The following FNDC5 variants were observed in gnomAD, a reference collection of about 807,000 sequenced individuals.
FNDC5 encodes fibronectin type III domain containing 5.
Under a neutral mutation model 24.6 loss-of-function variants are expected in FNDC5, and 10 were observed. The observed-to-expected ratio is 0.41, with a 90% CI of 0.25 to 0.69. The LOEUF is 0.69. FNDC5 is among the 30% of genes least tolerant of loss of function. The pLI, the probability that FNDC5 is intolerant of heterozygous loss-of-function variation, is 0.34. For missense variants in FNDC5, 226 were observed against 282.9 expected (o/e 0.80, Z 1.44); for synonymous variants, 90 against 110.7 (o/e 0.81, Z 1.18).
chr1:32,868,097 G>T lies in FNDC5; in HGVS notation c.409+93C>A. 7.0e-7 allele frequency: 1 copy of T among 1,425,692 alleles called. No homozygotes were observed. 88.3% of individuals were successfully genotyped at this position (1,425,692 alleles called of 1,614,324 possible). ...TTTACTTGCCAGCAGGGGATAAGGGGGAGGAGACAGAGCTTTCCTCAAGCC... is the reference window on the plus strand; with the variant it reads ...TTTACTTGCCAGCAGGGGATAAGGGTGAGGAGACAGAGCTTTCCTCAAGCC... On this transcript the variant is annotated intron_variant, in intron 3 of 5. Transcript: ENST00000373471. This position sits in a 1 kb window ranked among gnomAD's most constrained non-coding sequence, Gnocchi z 4.8.
rs1205409497 is a variant in FNDC5 at position 32,864,250 on chromosome 1, C to T, written c.*44G>A. 7 of 1,614,072 alleles carry T rather than the reference C, an allele frequency of 4.3e-6. No individual in the cohort carries two copies. In the Admixed American group the frequency reaches 8.3e-5, roughly 19 times the overall value. Reference sequence around the variant, plus strand: ...CCATGAGATCCTCTCACATTCTCTACTGTCTGTCTTCTTAGCTGCTGAGGG... The same window carrying T: ...CCATGAGATCCTCTCACATTCTCTATTGTCTGTCTTCTTAGCTGCTGAGGG... On this transcript the variant is annotated 3_prime_UTR_variant, in exon 6 of 6. Coordinates refer to ENST00000373471, the MANE Select transcript of FNDC5 (RefSeq NM_153756.3).
At chr1:32,869,604 C>T (rs1641139664) in intron 1 of FNDC5, among the ~76,000 whole-genome samples, 1 of 152,120 alleles carries the variant, frequency 6.6e-6, no homozygotes, top group Non-Finnish European at 1.5e-5. Context: ...CCCCAAGATG[C>T]AGGTGGGGAG....
Position 32,868,783 on chromosome 1 carries a change from C to T in FNDC5, c.210+99G>A. The T allele has an allele frequency of 1.1e-6, 1 of 871,256 alleles. No homozygotes were observed. 54.0% of individuals were successfully genotyped at this position (871,256 alleles called of 1,614,324 possible). A position where few individuals can be genotyped will look rare whatever the true frequency, so the allele number is the denominator to read the frequency against. On this transcript the variant is annotated intron_variant, in intron 2 of 5. Coordinates refer to ENST00000373471, the MANE Select transcript of FNDC5 (RefSeq NM_153756.3). The surrounding 1 kb of genome is among the most constrained non-coding windows in gnomAD (Gnocchi z 4.8). ...TCTCCCTTGCCCCAAGTTCCTATTT[C>T]CTTTCTATTTCTCCATCACCACCAC...
At position 32,867,770 on chromosome 1, in the gene FNDC5, A is replaced by C; in HGVS notation, c.482T>G (p.Val161Gly). 2.5e-6 allele frequency: 4 copies of C among 1,614,004 alleles called. No individual in the cohort carries two copies. The highest frequency in any genetic ancestry group is 3.4e-6 in the Non-Finnish European group (4 of 1,179,974). ...AGACTCACCTGCCCACATGAACAGGACCACGACGATGATCAGCACCTCGCC... is the reference window on the plus strand; with the variant it reads ...AGACTCACCTGCCCACATGAACAGGCCCACGACGATGATCAGCACCTCGCC... The change falls in exon 4 of 6, where the codon GTC becomes GGC. Residue 161 changes from valine to glycine, a missense_variant. Val to Gly is a moderately radical substitution (Grantham distance 109, BLOSUM62 -3). Coordinates refer to ENST00000373471, the MANE Select transcript of FNDC5 (RefSeq NM_153756.3).
intron 1 of FNDC5, among the ~76,000 whole-genome samples, chr1:32,869,388 C>T (rs1293383514): frequency 6.6e-6 from 1 of 152,254 alleles, no homozygotes; most frequent in Non-Finnish European, 1.5e-5. Context: ...AAGGACTCCC[C>T]AGTCCAGTGC....
intron 1 of FNDC5, 48 bp downstream of exon 1, chr1:32,870,605 C>A: frequency 8.9e-7 from 1 of 1,126,746 alleles, no homozygotes; most frequent in Non-Finnish European, 1.1e-6. Flanking sequence ...TAGCTGGGCT[C>A]GAGAGGAGCC....
At chr1:32,864,403 C>T in intron 5 of FNDC5, 104 bp from the exon 6 acceptor site, 1 of 1,536,638 alleles carries the variant, frequency 6.5e-7, no homozygotes, top group Non-Finnish European at 8.8e-7. Context: ...CTCCTATTGT[C>T]CCGCGCCAAC....
At chr1:32,864,948 C>T (rs1641042455) in intron 4 of FNDC5, 151 bp from the exon 5 acceptor site, 6 of 1,177,952 alleles carry the variant, frequency 5.1e-6, no homozygotes, top group Non-Finnish European at 7.0e-6. Flanking sequence ...CTCCTGTTTT[C>T]ACCTGTGCCC....
Position 32,863,015 on chromosome 1 carries a change from GC to G in FNDC5, c.*1278del. The G allele has an allele frequency of 6.5e-6, 1 of 152,824 alleles. No homozygotes were observed. The highest frequency in any genetic ancestry group is 1.5e-5 in the Non-Finnish European group (1 of 68,112). The allele number at this position is 152,824 out of a possible 1,614,324, so 9.5% of individuals were successfully genotyped here. A position where few individuals can be genotyped will look rare whatever the true frequency, so the allele number is the denominator to read the frequency against. On this transcript the variant is annotated 3_prime_UTR_variant, in exon 6 of 6. Coordinates refer to ENST00000373471, the MANE Select transcript of FNDC5 (RefSeq NM_153756.3). ...CTACTCCAGAAGGGGTGTTTTGGTA[GC>G]CCCCAGAATGCCAGCTGTGATGTGA...
Position 32,864,163 on chromosome 1 carries a change from A to C in FNDC5, c.*131T>G. The C allele has an allele frequency of 1.3e-6, 2 of 1,594,046 alleles. No homozygotes were observed. Among genetic ancestry groups the C allele is most frequent in the East Asian group, 2.2e-5 (1 of 44,678 alleles). The stretch of plus-strand genomic sequence containing the variant: ...GAGAGGACAGTAAGCCAGAGGGTAC[A>C]AGGAGATGGAGGGAAGAGATGTAGA... On this transcript the variant is annotated 3_prime_UTR_variant, in exon 6 of 6. Transcript: ENST00000373471.
rs1569993646 is a variant in FNDC5, at chr1:32,868,691, A to C, written c.210+191T>G. Among the ~76,000 whole-genome samples the C allele has an allele frequency of 6.6e-6, 1 of 152,256 alleles. No individual in the cohort carries two copies. The highest frequency in any genetic ancestry group is 1.9e-4 in the East Asian group (1 of 5,176). The stretch of plus-strand genomic sequence containing the variant: ...CTCCCTCACTGACTGATTCTCTTCT[A>C]GAGAATTTTCAGACATATGTCTGAA... On this transcript the variant is annotated intron_variant, in intron 2 of 5. Coordinates refer to ENST00000373471, the MANE Select transcript of FNDC5 (RefSeq NM_153756.3). This position sits in a 1 kb window ranked among gnomAD's most constrained non-coding sequence, Gnocchi z 4.8.
upstream of FNDC5, among the ~76,000 whole-genome samples, chr1:32,872,207 G>A (rs934198825): frequency 1.3e-5 from 2 of 152,118 alleles, no homozygotes; most frequent in African/African-American, 4.8e-5. Flanking sequence ...CTCTCCTTAT[G>A]CCCACCCAGG....
upstream of FNDC5, among the ~76,000 whole-genome samples, chr1:32,871,901 C>T (rs1641191137): frequency 6.6e-6 from 1 of 152,222 alleles, no homozygotes; most frequent in African/African-American, 2.4e-5. Context: ...AGGAGAGAGG[C>T]ATGGACCAGG....
chr1:32,863,813 A>G lies in FNDC5; in HGVS notation c.*481T>C. ...AAAATGAGAGAAGCAGCCAGGCCTA[A>G]TTGTGAATAGCCTTCTTGCAAGGCT... On this transcript the variant is annotated 3_prime_UTR_variant, in exon 6 of 6. Transcript: ENST00000373471. 1.5e-6 allele frequency: 2 copies of G among 1,305,004 alleles called. No individual in the cohort carries two copies. The highest frequency in any genetic ancestry group is 1.2e-5 in the South Asian group (1 of 81,032). The allele number at this position is 1,305,004 out of a possible 1,614,324, so 80.8% of individuals were successfully genotyped here. A position where few individuals can be genotyped will look rare whatever the true frequency, so the allele number is the denominator to read the frequency against.
intron 4 of FNDC5, among the ~76,000 whole-genome samples, chr1:32,866,138 A>C (rs1372161671): frequency 6.6e-6 from 1 of 152,156 alleles, no homozygotes; most frequent in African/African-American, 2.4e-5. Flanking sequence ...TATTATCCTA[A>C]CAAAATTACA....
chr1:32,863,641 C>G lies in FNDC5; in HGVS notation c.*653G>C. ...GAGAGAACTGTGCAGCTAGCTGTGC[C>G]TCCTCCCCACTGCTGCAGTTGTCCC... On this transcript the variant is annotated 3_prime_UTR_variant, in exon 6 of 6. Coordinates refer to ENST00000373471, the MANE Select transcript of FNDC5 (RefSeq NM_153756.3). 1 of 1,179,610 alleles carries G rather than the reference C, an allele frequency of 8.5e-7. No homozygotes were observed. The highest frequency in any genetic ancestry group is 1.1e-6 in the Non-Finnish European group (1 of 875,994). The allele number at this position is 1,179,610 out of a possible 1,614,324, so 73.1% of individuals were successfully genotyped here.
Position 32,864,003 on chromosome 1 carries a change from G to T in FNDC5, c.*291C>A. 7.4e-7 allele frequency: 1 copy of T among 1,354,772 alleles called. No homozygotes were observed. The highest frequency in any genetic ancestry group is 3.1e-5 in the Admixed American group (1 of 32,514). 83.9% of individuals were successfully genotyped at this position (1,354,772 alleles called of 1,614,324 possible). A position where few individuals can be genotyped will look rare whatever the true frequency, so the allele number is the denominator to read the frequency against. On this transcript the variant is annotated 3_prime_UTR_variant, in exon 6 of 6. Coordinates refer to ENST00000373471, the MANE Select transcript of FNDC5 (RefSeq NM_153756.3). ...TCACTCAACTGAATGGCCAAGACTG[G>T]GTCCTGGGCCCATGGCCCCTGGCAC...
chr1:32,864,368 G>T (rs913693099), intron 5 of FNDC5, 69 bp from the exon 6 acceptor site: 2 of 1,598,800 alleles, frequency 1.3e-6, no homozygotes, highest in African/African-American at 2.7e-5. Context: ...GGCACAGCAG[G>T]AGCAGGAATG....
At position 32,863,125 on chromosome 1, in the gene FNDC5, A is replaced by T. The variant is rs1334783600; in HGVS notation, c.*1169T>A. On this transcript the variant is annotated 3_prime_UTR_variant, in exon 6 of 6. Transcript: ENST00000373471. ...TGGACCAGTACCTTCCAAACTGATG[A>T]TCTTTCAGTCATAAGGGTCAAAGAA... 6.5e-6 allele frequency: 1 copy of T among 152,788 alleles called. No individual in the cohort carries two copies. The highest frequency in any genetic ancestry group is 2.4e-5 in the African/African-American group (1 of 41,440). The allele number at this position is 152,788 out of a possible 1,614,324, so 9.5% of individuals were successfully genotyped here.
Sources: allele counts gnomAD v4.1 joint callset (sites outside exome capture counted in the v4.1 genomes callset), GRCh38; gene constraint gnomAD v4.1.1; non-coding constraint Gnocchi (gnomAD v3.1); transcripts MANE v1.5; gene names NCBI Gene and HGNC (gene_info 2026-07-23, HGNC 2026-07-21).